Variants in PDE1A observed in about 807,000 individuals in gnomAD.
PDE1A encodes dual specificity calcium/calmodulin-dependent 3',5'-cyclic nucleotide phosphodiesterase 1A.
A neutral mutation model predicts 61.7 loss-of-function variants in PDE1A; 35 were observed. The ratio of observed to expected loss-of-function variants is 0.57; its 90% confidence interval spans 0.43 to 0.75. PDE1A has a LOEUF of 0.75. Among genes scored for constraint, PDE1A ranks in the 30% least tolerant of loss-of-function variants. The probability of loss-of-function intolerance (pLI) is 0.00; values close to 1 mark genes in which losing one functional copy is unlikely to be tolerated. For missense variants in PDE1A, 597 were observed against 630.6 expected (o/e 0.95, Z 0.57); for synonymous variants, 232 against 213.2 (o/e 1.09, Z -0.77).
At chr2:182,169,934 A>ACT (rs1559132511) in intron 13 of PDE1A, among the ~76,000 whole-genome samples, 3 of 123,136 alleles carry the variant, frequency 2.4e-5, no homozygotes, top group Admixed American at 1.8e-4. Flanking sequence ...ACACACACAC[A>ACT]CACACTCTCC....
chr2:182,234,476 T>C, exon 4 of PDE1A: 1 of 1,604,264 alleles, frequency 6.2e-7, no homozygotes, highest in Admixed American at 1.7e-5. Context: ...AAACCAACCA[T>C]ATGATATGTT....
At chr2:182,653,367 G>A in the PDE1A span, among the ~76,000 whole-genome samples, 10 of 152,110 alleles carry the variant, frequency 6.6e-5, 1 homozygote, top group South Asian at 4.1e-4. Flanking sequence ...CAATTCTGAA[G>A]GACATTGACT....
the PDE1A span, among the ~76,000 whole-genome samples, chr2:182,551,991 G>A: frequency 1.3e-5 from 2 of 152,202 alleles, no homozygotes; most frequent in Admixed American, 6.5e-5. Flanking sequence ...AAGTCACAGG[G>A]GTGTGTGGTC....
chr2:182,510,428 T>C (rs1470181496), intron 2 of PDE1A, among the ~76,000 whole-genome samples: 1 of 152,246 alleles, frequency 6.6e-6, no homozygotes, highest in African/African-American at 2.4e-5. Flanking sequence ...TACTATAGCA[T>C]AGTCCTTTAC....
At chr2:182,348,102 G>A (rs1007282234) in intron 1 of PDE1A, among the ~76,000 whole-genome samples, 5 of 152,118 alleles carry the variant, frequency 3.3e-5, no homozygotes, top group African/African-American at 1.2e-4. Context: ...CAGCATTTTT[G>A]TCATTTATTT....
At chr2:182,667,382 C>G in the PDE1A span, among the ~76,000 whole-genome samples, 2 of 152,186 alleles carry the variant, frequency 1.3e-5, no homozygotes, top group Non-Finnish European at 2.9e-5. Context: ...AGGGTCCCAT[C>G]ATCCCTATTG....
intron 2 of PDE1A, among the ~76,000 whole-genome samples, chr2:182,468,940 C>G (rs760389943): frequency 6.6e-6 from 1 of 151,936 alleles, no homozygotes; most frequent in Non-Finnish European, 1.5e-5. Context: ...TAGGTCTTAA[C>G]AGTGGGCTGA....
At chr2:182,488,702 G>C (rs1688183325) in intron 2 of PDE1A, among the ~76,000 whole-genome samples, 1 of 152,204 alleles carries the variant, frequency 6.6e-6, no homozygotes, top group Non-Finnish European at 1.5e-5. Flanking sequence ...ATATTCTATT[G>C]TAATTTGCCC....
the PDE1A span, among the ~76,000 whole-genome samples, chr2:182,706,466 G>A: frequency 6.6e-6 from 1 of 152,086 alleles, no homozygotes; most frequent in South Asian, 2.1e-4. Flanking sequence ...TCTAAAACAT[G>A]CTAACCAAGA....
intron 2 of PDE1A, among the ~76,000 whole-genome samples, chr2:182,498,665 C>T (rs1688875476): frequency 6.6e-6 from 1 of 152,130 alleles, no homozygotes; most frequent in South Asian, 2.1e-4. Flanking sequence ...TACCCTAAGG[C>T]CGGGCGCGGT....
chr2:182,371,239 A>T (rs1322276930), intron 1 of PDE1A, among the ~76,000 whole-genome samples: 2 of 152,220 alleles, frequency 1.3e-5, no homozygotes, highest in East Asian at 3.8e-4. Context: ...CTTCCATATT[A>T]AATTATTCTT....
At chr2:182,226,032 A>C (rs1689112780) in intron 6 of PDE1A, among the ~76,000 whole-genome samples, 1 of 149,844 alleles carries the variant, frequency 6.7e-6, no homozygotes, top group South Asian at 2.1e-4. Flanking sequence ...CCATGAAATG[A>C]ATAGCAATTG....
intron 7 of PDE1A, among the ~76,000 whole-genome samples, chr2:182,206,381 T>G (rs780579100): frequency 5.9e-5 from 9 of 152,190 alleles, no homozygotes; most frequent in Admixed American, 2.6e-4. Flanking sequence ...TTTGTTACAA[T>G]TGATGAACCT....
At chr2:182,384,491 A>AATAATAATAAT (rs1559402165) in intron 1 of PDE1A, among the ~76,000 whole-genome samples, 187 of 133,606 alleles carry the variant, frequency 1.4e-3, no homozygotes, top group African/African-American at 4.9e-3. Context: ...ATAATAATAA[A>AATAATAATAAT]ATAGAAATCC....
the PDE1A span, among the ~76,000 whole-genome samples, chr2:182,670,735 T>C: frequency 6.6e-6 from 1 of 152,198 alleles, no homozygotes; most frequent in Non-Finnish European, 1.5e-5. Context: ...TTAAGGCACA[T>C]AAGAATCACC....
the PDE1A span, among the ~76,000 whole-genome samples, chr2:182,536,502 A>T: frequency 6.6e-6 from 1 of 152,222 alleles, no homozygotes; most frequent in East Asian, 1.9e-4. Context: ...GCAAAACCTG[A>T]TTGATCAGCA....
intron 1 of PDE1A, among the ~76,000 whole-genome samples, chr2:182,423,299 A>T (rs1191101837): frequency 3.9e-5 from 6 of 152,190 alleles, no homozygotes; most frequent in Non-Finnish European, 5.9e-5. Context: ...GAAATTTTTT[A>T]AAAAATAGAT....
At chr2:182,567,170 T>C in the PDE1A span, among the ~76,000 whole-genome samples, 1 of 152,214 alleles carries the variant, frequency 6.6e-6, no homozygotes, top group African/African-American at 2.4e-5. Flanking sequence ...CAATTTGCTA[T>C]AACATTACCA....
At chr2:182,589,269 GAGGAAGGAAGGAAGGAAGGAAGGA>G in the PDE1A span, among the ~76,000 whole-genome samples, 2 of 121,852 alleles carry the variant, frequency 1.6e-5, no homozygotes, top group Non-Finnish European at 3.5e-5. Flanking sequence ...GGGAGGGAGG[GAGGAAGGAAGGAAGGAAGGAAGGA>G]AGGAAGGAAG....
Sources: gnomAD v4.1 joint callset for allele counts (sites outside exome capture counted in the v4.1 genomes callset) on GRCh38, gnomAD v4.1.1 for gene constraint, MANE v1.5 for transcripts, NCBI Gene and HGNC (gene_info 2026-07-23, HGNC 2026-07-21) for gene names.